ADCY5: variants seen among roughly 807,000 people sequenced by gnomAD.
ADCY5 encodes the protein adenylate cyclase type 5.
ADCY5 carries 30 observed loss-of-function variants against 119.7 expected under a neutral mutation model. That is an observed-to-expected ratio of 0.25 (90% CI 0.19 to 0.34). The LOEUF is 0.34. Among genes scored for constraint, ADCY5 ranks in the 10% least tolerant of loss-of-function variants. The probability of loss-of-function intolerance (pLI) is 1.00; values close to 1 mark genes in which losing one functional copy is unlikely to be tolerated. For synonymous variants in ADCY5, 753 were observed against 762.2 expected (o/e 0.99, Z 0.20); for missense variants, 1,324 against 1,775.2 (o/e 0.75, Z 4.57).
chr3:123,297,265 G>A, intron 16 of ADCY5, 88 bp downstream of exon 16: 2 of 1,542,730 alleles, frequency 1.3e-6, no homozygotes, highest in Non-Finnish European at 1.8e-6. Context: ...TTGCCACCAA[G>A]GCCCCTCCCA....
At position 123,388,104 on chromosome 3, in the gene ADCY5, C is replaced by T. The variant is rs73186496; in HGVS notation, c.1135-35523G>A. 4.3e-3 allele frequency among the ~76,000 whole-genome samples: 658 copies of T among 152,214 alleles called. 1 individual carries two copies. Among genetic ancestry groups the T allele is most frequent in the Non-Finnish European group, 7.6e-3 (515 of 68,008 alleles). On this transcript the variant is annotated intron_variant, in intron 1 of 20. Transcript: ENST00000462833. Reference sequence around the variant, plus strand: ...GATGGGGGGAAGCCAGTATTTTGGGCCAGAATGGCAAGGAAGTGATGTGCT... The same window carrying T: ...GATGGGGGGAAGCCAGTATTTTGGGTCAGAATGGCAAGGAAGTGATGTGCT...
chr3:123,345,572 C>T (rs989090394), intron 3 of ADCY5, among the ~76,000 whole-genome samples: 1 of 152,106 alleles, frequency 6.6e-6, no homozygotes, highest in South Asian at 2.1e-4. Flanking sequence ...TATGTTGGGA[C>T]CACTTGGTGG....
intron 1 of ADCY5, among the ~76,000 whole-genome samples, chr3:123,417,040 G>C (rs565240609): frequency 3.5e-4 from 53 of 152,248 alleles, no homozygotes; most frequent in Non-Finnish European, 7.1e-4. Flanking sequence ...AGAACTGTGA[G>C]AAAATACATT....
At chr3:123,385,331 A>C (rs1444115884) in intron 1 of ADCY5, among the ~76,000 whole-genome samples, 1 of 151,174 alleles carries the variant, frequency 6.6e-6, no homozygotes, top group African/African-American at 2.5e-5. Context: ...CCAGTGCTGT[A>C]GTCTGTGTGT....
intron 1 of ADCY5, among the ~76,000 whole-genome samples, chr3:123,381,047 A>C (rs1489624711): frequency 6.6e-6 from 1 of 152,194 alleles, no homozygotes; most frequent in Non-Finnish European, 1.5e-5. Context: ...TGGGGATAAC[A>C]GTGGTGACAG....
chr3:123,315,455 G>A (rs1458360513), intron 11 of ADCY5, among the ~76,000 whole-genome samples: 1 of 152,208 alleles, frequency 6.6e-6, no homozygotes, highest in Non-Finnish European at 1.5e-5. Flanking sequence ...GCAGTTGCAG[G>A]CAGGGCAGGT....
At chr3:123,433,437 T>C (rs1945556326) in intron 1 of ADCY5, among the ~76,000 whole-genome samples, 4 of 152,164 alleles carry the variant, frequency 2.6e-5, no homozygotes. Context: ...GCACACTAAG[T>C]GAACAAACAG....
intron 1 of ADCY5, among the ~76,000 whole-genome samples, chr3:123,417,368 G>A (rs539274623): frequency 1.3e-5 from 2 of 152,358 alleles, no homozygotes; most frequent in Admixed American, 1.3e-4. Context: ...GGGGCAGTGA[G>A]GGAGATAACG....
intron 8 of ADCY5, among the ~76,000 whole-genome samples, chr3:123,323,335 A>G (rs1428823250): frequency 6.6e-6 from 1 of 152,230 alleles, no homozygotes; most frequent in African/African-American, 2.4e-5. Flanking sequence ...GATGAGTAAT[A>G]TATCTGCCAA....
intron 3 of ADCY5, among the ~76,000 whole-genome samples, chr3:123,345,496 T>C (rs1184254225): frequency 2.0e-5 from 3 of 151,856 alleles, no homozygotes; most frequent in Non-Finnish European, 1.5e-5. Context: ...CCTGGGCCAG[T>C]GAGGTGGTAA....
chr3:123,328,227 C>A (rs184223127), intron 6 of ADCY5, among the ~76,000 whole-genome samples: 23 of 152,208 alleles, frequency 1.5e-4, no homozygotes, highest in Admixed American at 1.5e-3. Context: ...CTGTGCCTTG[C>A]CTCGCTGTGT....
intron 1 of ADCY5, among the ~76,000 whole-genome samples, chr3:123,391,718 C>T (rs1401769312): frequency 6.6e-6 from 1 of 152,206 alleles, no homozygotes; most frequent in East Asian, 1.9e-4. Context: ...AGTAGTAACA[C>T]AGGCAGGCCC....
chr3:123,447,181 T>C (rs1416430317), intron 1 of ADCY5, among the ~76,000 whole-genome samples: 1 of 152,116 alleles, frequency 6.6e-6, no homozygotes, highest in Non-Finnish European at 1.5e-5. Flanking sequence ...TCAGTACACG[T>C]TATCTAAGGG....
At chr3:123,348,832 C>T (rs1280032145) in intron 2 of ADCY5, among the ~76,000 whole-genome samples, 6 of 152,158 alleles carry the variant, frequency 3.9e-5, no homozygotes, top group African/African-American at 9.7e-5. Flanking sequence ...CGCTCATCCC[C>T]AGCCTTTCAT....
intron 1 of ADCY5, among the ~76,000 whole-genome samples, chr3:123,385,522 G>C (rs1241146929): frequency 6.6e-6 from 1 of 152,186 alleles, no homozygotes; most frequent in African/African-American, 2.4e-5. Context: ...TGGAGACCTA[G>C]ATGGTGAGAC....
intron 12 of ADCY5, among the ~76,000 whole-genome samples, chr3:123,308,866 T>C (rs1401886165): frequency 1.4e-5 from 2 of 147,746 alleles, no homozygotes; most frequent in African/African-American, 2.5e-5. Context: ...AAAAAAACTA[T>C]CTGCCAGGGG....
chr3:123,447,389 C>G, intron 1 of ADCY5, 23 bp downstream of exon 1: 1 of 1,517,926 alleles, frequency 6.6e-7, no homozygotes, highest in Non-Finnish European at 8.8e-7. Flanking sequence ...CAATCCAGTC[C>G]CGGTGGCCAG....
intron 12 of ADCY5, among the ~76,000 whole-genome samples, chr3:123,312,712 C>T (rs993771025): frequency 1.8e-4 from 27 of 152,200 alleles, no homozygotes; most frequent in Admixed American, 7.9e-4. Context: ...CCTTCTATGT[C>T]GTAGCATGAA....
chr3:123,325,282 T>A, intron 8 of ADCY5, 40 bp downstream of exon 8: 1 of 1,611,576 alleles, frequency 6.2e-7, no homozygotes, highest in Non-Finnish European at 8.5e-7. Context: ...GCCCTAGCCT[T>A]GGAGAGTGTT....
Sources: gnomAD v4.1 joint callset for allele counts (sites outside exome capture counted in the v4.1 genomes callset) on GRCh38, gnomAD v4.1.1 for gene constraint, MANE v1.5 for transcripts, NCBI Gene and HGNC (gene_info 2026-07-23, HGNC 2026-07-21) for gene names.